Variants in RSPH14 observed in about 807,000 individuals in gnomAD.
RSPH14 encodes the protein rhabdoid tumor deletion region gene 1.
A neutral mutation model predicts 26.7 loss-of-function variants in RSPH14; 20 were observed. The observed-to-expected ratio is 0.75, with a 90% CI of 0.53 to 1.09. The LOEUF (loss-of-function observed/expected upper bound fraction) is 1.09, where lower values mean the gene tolerates loss of function less well. Ranked by LOEUF, RSPH14 falls within the 50% of genes least tolerant of loss-of-function variation. The pLI is 0.00. For missense variants in RSPH14, 449 were observed against 457.2 expected, an observed-to-expected ratio of 0.98 and a Z score of 0.16; for synonymous variants, 177 against 189.3, an observed-to-expected ratio of 0.93 and a Z score of 0.53.
intron 4 of RSPH14, among the ~76,000 whole-genome samples, chr22:23,127,225 G>A (rs764618125): frequency 1.3e-5 from 2 of 152,194 alleles, no homozygotes; most frequent in African/African-American, 2.4e-5. Flanking sequence ...AGGACTTGAG[G>A]CAACACTGAG....
chr22:23,165,242 T>C, the RSPH14 span, among the ~76,000 whole-genome samples: 1 of 152,168 alleles, frequency 6.6e-6, no homozygotes, highest in African/African-American at 2.4e-5. Flanking sequence ...CAAGACCATG[T>C]TCCCAGCAGA....
chr22:23,123,018 G>A (rs1427120825), intron 4 of RSPH14: 66 of 1,013,896 alleles, frequency 6.5e-5, no homozygotes, highest in Non-Finnish European at 9.6e-5. Context: ...CCTCTGGCAG[G>A]GCTGCAGGTC....
At chr22:23,090,304 A>C (rs1389047604) in intron 4 of RSPH14, among the ~76,000 whole-genome samples, 1 of 151,926 alleles carries the variant, frequency 6.6e-6, no homozygotes, top group Non-Finnish European at 1.5e-5. Flanking sequence ...GTTCCCACCC[A>C]GCCGCCACTC....
Position 23,064,010 on chromosome 22 carries a change from T to A in RSPH14, c.545A>T (p.Asp182Val), listed in dbSNP as rs2068147684. ...ATTGCTGCCCAGGGCCTCGGTGGCA[T>A]CCTCCTGCAGGCAGAGGACCAGTGT... is the stretch of plus-strand genomic sequence containing the variant. ...LDTLVLCLQEDATEALGSNVV... is the reference protein window; with the variant it reads ...LDTLVLCLQEVATEALGSNVV... Residue 182 changes from aspartate to valine, a missense_variant, in exon 5 of 7, where the codon GAT becomes GTT. Transcript: ENST00000216036. 2 of 1,614,056 alleles carry A rather than the reference T, an allele frequency of 1.2e-6. No individual in the cohort carries two copies. Among genetic ancestry groups the A allele is most frequent in the Admixed American group, 3.3e-5 (2 of 60,010 alleles).
At chr22:23,165,581 ATG>A in the RSPH14 span, among the ~76,000 whole-genome samples, 1 of 152,198 alleles carries the variant, frequency 6.6e-6, no homozygotes, top group Admixed American at 6.5e-5. Flanking sequence ...GGGCAGAAAA[ATG>A]TTTGTGCTAT....
intron 5 of RSPH14, among the ~76,000 whole-genome samples, chr22:23,063,579 A>C (rs889541532): frequency 1.3e-5 from 2 of 152,220 alleles, no homozygotes; most frequent in Admixed American, 6.5e-5. Flanking sequence ...CGCCTGGCAC[A>C]CAGGAGGCAC....
Position 23,140,399 on chromosome 22 carries a change from A to T in RSPH14, c.22T>A (p.Leu8Met), listed in dbSNP as rs1489682502. Residue 8 changes from leucine (L) to methionine (M), a missense_variant, in exon 2 of 7, where the codon TTG (leucine) becomes ATG (methionine). Transcript: ENST00000216036. MAHSQNS[L>M]ELPININATQ... The stretch of plus-strand genomic sequence containing the variant: ...GCATTGATGTTAATGGGAAGCTCCA[A>T]GGAGTTCTGGGAATGGGCCATCTTT... The T allele has an allele frequency of 6.2e-7, 1 of 1,614,208 alleles. No individual in the cohort carries two copies. The highest frequency in any genetic ancestry group is 2.2e-5 in the East Asian group (1 of 44,896).
chr22:23,173,622 GTTTT>G, the RSPH14 span, among the ~76,000 whole-genome samples: 1 of 112,290 alleles, frequency 8.9e-6, no homozygotes, highest in Admixed American at 9.7e-5. Flanking sequence ...TTTATTTTTG[GTTTT>G]TTGTTTTTTG....
At chr22:23,092,229 G>A (rs1188629743) in intron 4 of RSPH14, among the ~76,000 whole-genome samples, 1 of 152,186 alleles carries the variant, frequency 6.6e-6, no homozygotes, top group Non-Finnish European at 1.5e-5. Flanking sequence ...CAGAGAGAGG[G>A]CTGGCTAGAG....
chr22:23,180,503 T>A, the RSPH14 span: 1 of 166,772 alleles, frequency 6.0e-6, no homozygotes, highest in Non-Finnish European at 1.3e-5. Flanking sequence ...CTCCCCTTCC[T>A]GCGGCGCAGA....
intron 4 of RSPH14, among the ~76,000 whole-genome samples, chr22:23,114,019 TGA>T (rs2069738520): frequency 6.6e-6 from 1 of 152,086 alleles, no homozygotes; most frequent in Non-Finnish European, 1.5e-5. Context: ...CCCAGAGGGG[TGA>T]GAGGCTTGGC....
At chr22:23,156,075 G>A in the RSPH14 span, 84 of 1,558,434 alleles carry the variant, frequency 5.4e-5, no homozygotes, top group East Asian at 1.3e-3. Context: ...ATGCAGCAGC[G>A]GGGTCCCTGC....
chr22:23,086,928 A>G (rs991734298), intron 4 of RSPH14, among the ~76,000 whole-genome samples: 1 of 152,196 alleles, frequency 6.6e-6, no homozygotes, highest in African/African-American at 2.4e-5. Context: ...GAAACCCATG[A>G]TGGGACACAT....
the RSPH14 span, chr22:23,155,919 GATTGTGT>G: frequency 6.5e-7 from 1 of 1,537,488 alleles, no homozygotes; most frequent in Admixed American, 1.9e-5. Flanking sequence ...AAGACACTGT[GATTGTGT>G]AGCCTGACAC....
At chr22:23,115,100 G>A (rs2069785052) in intron 4 of RSPH14, among the ~76,000 whole-genome samples, 1 of 152,222 alleles carries the variant, frequency 6.6e-6, no homozygotes, top group Non-Finnish European at 1.5e-5. Context: ...TGTGGCCACA[G>A]CAAACTGCAT....
chr22:23,155,995 C>G, the RSPH14 span: 1 of 1,612,892 alleles, frequency 6.2e-7, no homozygotes, highest in Non-Finnish European at 8.5e-7. Context: ...AGGAGAAGTT[C>G]AAGTGCATCG....
At chr22:23,069,074 T>C (rs1334855640) in intron 4 of RSPH14, among the ~76,000 whole-genome samples, 2 of 152,156 alleles carry the variant, frequency 1.3e-5, no homozygotes, top group South Asian at 2.1e-4. Context: ...CGTAACGCAA[T>C]GGTCTCCATC....
At position 23,134,155 on chromosome 22, in the gene RSPH14, G is replaced by C; in HGVS notation, c.303-11C>G. ...TCTAGAAAGGCGTATCTAGGGAAGG[G>C]AGGGTGGACAGTGACATAAGTGAGA... On this transcript the variant is annotated splice_polypyrimidine_tract_variant and intron_variant, in intron 3 of 6. Coordinates refer to ENST00000216036, the MANE Select transcript of RSPH14 (RefSeq NM_014433.3). The C allele has an allele frequency of 6.3e-7, 1 of 1,591,688 alleles. No homozygotes were observed. Among genetic ancestry groups the C allele is most frequent in the Non-Finnish European group, 8.6e-7 (1 of 1,162,770 alleles).
chr22:23,084,613 T>C (rs2068767430), intron 4 of RSPH14, among the ~76,000 whole-genome samples: 1 of 152,224 alleles, frequency 6.6e-6, no homozygotes, highest in Non-Finnish European at 1.5e-5. Context: ...GATGTGAACA[T>C]ATCCTTGCTC....
Sources: gnomAD v4.1 joint callset for allele counts (sites outside exome capture counted in the v4.1 genomes callset) on GRCh38, gnomAD v4.1.1 for gene constraint, MANE v1.5 for transcripts, NCBI Gene and HGNC (gene_info 2026-07-23, HGNC 2026-07-21) for gene names.